ELMO1: variants seen among roughly 807,000 people sequenced by gnomAD.
The protein encoded by ELMO1 is engulfment and cell motility 1.
A neutral mutation model predicts 98.9 loss-of-function variants in ELMO1; 26 were observed. The ratio of observed to expected loss-of-function variants is 0.26; its 90% CI spans 0.19 to 0.36. The LOEUF (loss-of-function observed/expected upper bound fraction) is 0.36, where lower values mean the gene tolerates loss of function less well. Among genes scored for constraint, ELMO1 ranks in the 10% least tolerant of loss-of-function variants. ELMO1 has a pLI of 1.00. For synonymous variants in ELMO1, 346 were observed against 346.0 expected (o/e 1.00, Z 0.00); for missense variants, 627 against 935.2 (o/e 0.67, Z 4.30).
chr7:37,230,296 G>A (rs574026335), intron 8 of ELMO1, among the ~76,000 whole-genome samples: 1 of 152,234 alleles, frequency 6.6e-6, no homozygotes, highest in South Asian at 2.1e-4. Context: ...CTGGAACAGG[G>A]GCATTCAGGA....
At chr7:37,274,051 T>C (rs910819927) in intron 4 of ELMO1, among the ~76,000 whole-genome samples, 2 of 152,220 alleles carry the variant, frequency 1.3e-5, no homozygotes, top group Admixed American at 1.3e-4. Flanking sequence ...CAGCCCAGTG[T>C]AGAGCATCCC....
rs10249389 is a variant in ELMO1, at chr7:37,414,698, A to G, written c.-74+33977T>C. Among the ~76,000 whole-genome samples the G allele has an allele frequency of 8.1e-3, 1,230 of 152,274 alleles. 14 individuals are homozygous for G. Among genetic ancestry groups the G allele is most frequent in the African/African-American group, 0.028 (1,176 of 41,538 alleles). ...AACTCACCATACCTCTAATCTTTTC[A>G]ATGATATAAGCTTTTATTGTTTAAG... On this transcript the variant is annotated intron_variant, in intron 1 of 21. Transcript: ENST00000310758.
chr7:37,130,460 A>G (rs1786839438), intron 14 of ELMO1, among the ~76,000 whole-genome samples: 1 of 152,198 alleles, frequency 6.6e-6, no homozygotes, highest in Non-Finnish European at 1.5e-5. Context: ...TCAGCAACAG[A>G]GCCAAGACAG....
At chr7:37,353,644 A>G (rs1801377103) in intron 1 of ELMO1, 1 of 152,142 alleles carries the variant, frequency 6.6e-6, no homozygotes, top group African/African-American at 2.4e-5. Flanking sequence ...GGTTGCTGCT[A>G]CTGGCTCAGG....
intron 4 of ELMO1, among the ~76,000 whole-genome samples, chr7:37,273,683 C>T (rs962492865): frequency 1.3e-5 from 2 of 152,112 alleles, no homozygotes; most frequent in African/African-American, 4.8e-5. Context: ...CAGGACTCAC[C>T]GTGGTCGCAT....
At chr7:37,343,723 C>T (rs1800841638) in intron 1 of ELMO1, among the ~76,000 whole-genome samples, 1 of 152,152 alleles carries the variant, frequency 6.6e-6, no homozygotes, top group African/African-American at 2.4e-5. Flanking sequence ...AATCTGCCCA[C>T]CTCAGCCTCC....
intron 2 of ELMO1, among the ~76,000 whole-genome samples, chr7:37,329,574 G>C (rs1185558602): frequency 1.3e-5 from 2 of 152,122 alleles, no homozygotes; most frequent in Admixed American, 1.3e-4. Flanking sequence ...ACTGGCCAGT[G>C]TATCAAAACC....
chr7:37,152,789 A>G (rs768684289), intron 13 of ELMO1, among the ~76,000 whole-genome samples: 3 of 152,248 alleles, frequency 2.0e-5, no homozygotes, highest in Non-Finnish European at 4.4e-5. Context: ...ACTTCTATGT[A>G]AATATATTAG....
At chr7:37,170,266 T>C (rs1396440991) in intron 13 of ELMO1, among the ~76,000 whole-genome samples, 1 of 152,246 alleles carries the variant, frequency 6.6e-6, no homozygotes, top group Non-Finnish European at 1.5e-5. Flanking sequence ...TCACAATGAA[T>C]GGCATCTTTC....
rs574231077 is a variant in ELMO1, at chr7:37,118,652, G to C, written c.1191+14478C>G. ...GTTGAAGCACCTTCTATGTGCTGGCGGTGTGCTCAGAACTTCACAAATGTT... is the reference window on the plus strand; with the variant it reads ...GTTGAAGCACCTTCTATGTGCTGGCCGTGTGCTCAGAACTTCACAAATGTT... On this transcript the variant is annotated intron_variant, in intron 14 of 21. Coordinates refer to ENST00000310758, the MANE Select transcript of ELMO1 (RefSeq NM_014800.11). 8.5e-5 allele frequency among the ~76,000 whole-genome samples: 13 copies of C among 152,262 alleles called. No homozygotes were observed. The East Asian group carries it at 2.5e-3, about 29-fold the overall frequency.
intron 6 of ELMO1, among the ~76,000 whole-genome samples, chr7:37,256,683 G>A (rs935143167): frequency 4.2e-5 from 6 of 142,424 alleles, no homozygotes; most frequent in African/African-American, 1.1e-4. Flanking sequence ...GAAGGGAGAA[G>A]GAGGGAAGGA....
chr7:37,033,167 G>C (rs1335908979), intron 15 of ELMO1, among the ~76,000 whole-genome samples: 5 of 152,102 alleles, frequency 3.3e-5, no homozygotes, highest in Non-Finnish European at 7.3e-5. Flanking sequence ...ATATACGTCT[G>C]CCTGCAAAGG....
intron 13 of ELMO1, among the ~76,000 whole-genome samples, chr7:37,204,733 G>A (rs1792508314): frequency 6.6e-6 from 1 of 152,306 alleles, no homozygotes. Flanking sequence ...GCTGACTGGT[G>A]CATTTACAAA....
At chr7:37,032,751 C>A (rs1171773696) in intron 15 of ELMO1, among the ~76,000 whole-genome samples, 1 of 152,164 alleles carries the variant, frequency 6.6e-6, no homozygotes, top group Non-Finnish European at 1.5e-5. Context: ...GTGCCAGTTA[C>A]AAACAACAGA....
intron 1 of ELMO1, among the ~76,000 whole-genome samples, chr7:37,406,262 C>CTT (rs1203630577): frequency 2.9e-4 from 34 of 119,170 alleles, no homozygotes; most frequent in East Asian, 1.3e-3. Flanking sequence ...CAATATTACT[C>CTT]TTTTGTTTTT....
At position 37,259,243 on chromosome 7, in the gene ELMO1, G is replaced by C. The variant is rs1343460318; in HGVS notation, c.351C>G (p.Ala117=). 1 of 1,614,102 alleles carries C rather than the reference G, an allele frequency of 6.2e-7. No homozygotes were observed. The highest frequency in any genetic ancestry group is 8.5e-7 in the Non-Finnish European group (1 of 1,180,008). The change falls in exon 6 of 22, where the codon GCC becomes GCG. Residue 117 remains alanine, a synonymous_variant. Transcript: ENST00000310758. Reference sequence around the variant, plus strand: ...TACCGTCCAGGTTTATAAACTCCTGGGCAAACGTGACATCCCGGGAGAGGC... The same window carrying C: ...TACCGTCCAGGTTTATAAACTCCTGCGCAAACGTGACATCCCGGGAGAGGC... The part of the protein sequence containing the change: ...LASLSRDVTF[A]QEFINLDGIS...
At position 37,432,215 on chromosome 7, in the gene ELMO1, A is replaced by G. The variant is rs896313115; in HGVS notation, c.-74+16460T>C. 2.1e-4 allele frequency among the ~76,000 whole-genome samples: 32 copies of G among 152,174 alleles called. 1 individual carries two copies. Among genetic ancestry groups the G allele is most frequent in the Non-Finnish European group, 2.9e-4 (20 of 68,024 alleles). On this transcript the variant is annotated intron_variant, in intron 1 of 21. Transcript: ENST00000310758. Reference sequence around the variant, plus strand: ...AAGTTTTAGTTCAGGTCCACCTCACAGTGGACCCAGTGGGTCCCACACCTC... The same window carrying G: ...AAGTTTTAGTTCAGGTCCACCTCACGGTGGACCCAGTGGGTCCCACACCTC...
chr7:36,920,549 C>T (rs1024743510), intron 16 of ELMO1, among the ~76,000 whole-genome samples: 2 of 152,126 alleles, frequency 1.3e-5, no homozygotes, highest in African/African-American at 4.8e-5. Context: ...TACATATCCA[C>T]ATAATGAAAT....
chr7:37,052,806 G>T (rs1357847405), intron 15 of ELMO1, among the ~76,000 whole-genome samples: 1 of 152,202 alleles, frequency 6.6e-6, no homozygotes, highest in African/African-American at 2.4e-5. Flanking sequence ...GATAAGGTTA[G>T]GGCCAACCTT....
Sources: gnomAD v4.1 joint callset for allele counts (sites outside exome capture counted in the v4.1 genomes callset) on GRCh38, gnomAD v4.1.1 for gene constraint, MANE v1.5 for transcripts, NCBI Gene and HGNC (gene_info 2026-07-23, HGNC 2026-07-21) for gene names.